Variants in SLC6A2 observed in about 807,000 individuals in gnomAD.
SLC6A2 encodes solute carrier family 6 member 2.
In SLC6A2, 26 loss-of-function variants were observed where a neutral mutation model predicts 71.7. That is an observed-to-expected ratio of 0.36 (90% CI 0.27 to 0.50). The LOEUF is 0.50. SLC6A2 is among the 20% of genes least tolerant of loss of function. The probability of loss-of-function intolerance (pLI) is 0.96; values close to 1 mark genes in which losing one functional copy is unlikely to be tolerated. For synonymous variants in SLC6A2, 363 were observed against 337.9 expected (o/e 1.07, Z -0.82); for missense variants, 581 against 803.9 (o/e 0.72, Z 3.35).
chr16:55,681,085 G>A (rs1460572110), intron 4 of SLC6A2, among the ~76,000 whole-genome samples: 1 of 152,080 alleles, frequency 6.6e-6, no homozygotes, highest in African/African-American at 2.4e-5. Context: ...CTCCCCAGCC[G>A]ACCCCCTCTA....
intron 4 of SLC6A2, among the ~76,000 whole-genome samples, chr16:55,681,292 C>T (rs1331561581): frequency 1.3e-5 from 2 of 152,220 alleles, no homozygotes; most frequent in Non-Finnish European, 2.9e-5. Flanking sequence ...AATGCTTACA[C>T]GCACTACTGT....
Position 55,684,914 on chromosome 16 carries a change from T to TC in SLC6A2, c.645-225dup, listed in dbSNP as rs3215123. ...TAAAAGCAGCCATGAGCGTGGAATC[T>TC]CCCCAGATGATTTGCCTCTTCTAGG... On this transcript the variant is annotated intron_variant, in intron 4 of 14. Coordinates refer to ENST00000568943, the MANE Select transcript of SLC6A2 (RefSeq NM_001172501.3). Among the ~76,000 whole-genome samples, 58 of 152,310 alleles carry TC rather than the reference T, an allele frequency of 3.8e-4. 2 individuals are homozygous for TC. In the East Asian group the frequency reaches 0.011, roughly 29 times the overall value.
At chr16:55,693,836 A>G (rs974442551) in intron 6 of SLC6A2, among the ~76,000 whole-genome samples, 174 bp from the exon 7 acceptor site, 1 of 152,214 alleles carries the variant, frequency 6.6e-6, no homozygotes, top group African/African-American at 2.4e-5. Flanking sequence ...CTCTCTCTGC[A>G]GTTGTTTTGT....
chr16:55,699,677 T>A, intron 12 of SLC6A2, 23 bp downstream of exon 12: 4 of 1,521,252 alleles, frequency 2.6e-6, no homozygotes, highest in Non-Finnish European at 3.7e-6. Flanking sequence ...TGCAGGGAAG[T>A]CCTGCATGTG....
rs748091212 is a variant in SLC6A2, at chr16:55,669,723, G to T, written c.406+27G>T. On this transcript the variant is annotated intron_variant, in intron 3 of 14. Transcript: ENST00000568943. ...TAAAGAAGGGGTGGGAGAAAGTCACGGTTGTTCATAAAGGCTTCCCTGTTG... is the reference window on the plus strand; with the variant it reads ...TAAAGAAGGGGTGGGAGAAAGTCACTGTTGTTCATAAAGGCTTCCCTGTTG... The T allele has an allele frequency of 3.1e-6, 5 of 1,613,756 alleles. No homozygotes were observed. In the East Asian group the frequency reaches 1.1e-4, roughly 36 times the overall value.
At chr16:55,680,654 A>G (rs1157504521) in intron 4 of SLC6A2, among the ~76,000 whole-genome samples, 2 of 151,848 alleles carry the variant, frequency 1.3e-5, no homozygotes, top group African/African-American at 2.4e-5. Context: ...TTGGCAACAC[A>G]CTCCCAGACA....
chr16:55,696,398 A>G (rs775082952), intron 9 of SLC6A2, 61 bp downstream of exon 9: 15 of 967,764 alleles, frequency 1.5e-5, no homozygotes, highest in African/African-American at 3.2e-5. Context: ...CCCTTCCCCA[A>G]CACACAGTGC....
intron 9 of SLC6A2, among the ~76,000 whole-genome samples, chr16:55,697,060 A>C (rs561374901): frequency 6.6e-6 from 1 of 152,214 alleles, no homozygotes; most frequent in Non-Finnish European, 1.5e-5. Flanking sequence ...TATTTTATCC[A>C]AATGTAAGAT....
In SLC6A2 at chr16:55,656,623, C is replaced by CT; in HGVS notation, c.-51-17dup. The stretch of plus-strand genomic sequence containing the variant: ...GGGAGGAACGGCCGGGTAACCACCT[C>CT]TTTTCCCTTTATCCAAGCAGAGCCT... On this transcript the variant is annotated intron_variant, in intron 1 of 14. Transcript: ENST00000568943. The surrounding 1 kb of genome is among the most constrained non-coding windows in gnomAD (Gnocchi z 4.5). 1 of 1,597,514 alleles carries CT rather than the reference C, an allele frequency of 6.3e-7. No homozygotes were observed. The highest frequency in any genetic ancestry group is 8.5e-7 in the Non-Finnish European group (1 of 1,169,816).
At chr16:55,687,413 C>T (rs1239722332) in intron 5 of SLC6A2, among the ~76,000 whole-genome samples, 4 of 152,182 alleles carry the variant, frequency 2.6e-5, no homozygotes, top group African/African-American at 9.7e-5. Context: ...CTGAAAGTGT[C>T]TCCAAAGACC....
At chr16:55,699,414 T>A in intron 11 of SLC6A2, 140 bp from the exon 12 acceptor site, 1 of 719,928 alleles carries the variant, frequency 1.4e-6, no homozygotes, top group South Asian at 1.5e-5. Context: ...AAAGGGCCCA[T>A]CCCCGAGTCT....
Position 55,702,731 on chromosome 16 carries a change from G to T in SLC6A2, c.*385G>T. ...CAAATCAGAGAGAGGATGGGCTTTT[G>T]ATCAGATACCCCTCCCAAAAAAAAA... On this transcript the variant is annotated 3_prime_UTR_variant, in exon 15 of 15. Transcript: ENST00000568943. The T allele has an allele frequency of 1.0e-6, 1 of 994,080 alleles. No individual in the cohort carries two copies. The highest frequency in any genetic ancestry group is 1.2e-6 in the Non-Finnish European group (1 of 841,952). 61.6% of individuals were successfully genotyped at this position (994,080 alleles called of 1,614,324 possible). A position where few individuals can be genotyped will look rare whatever the true frequency, so the allele number is the denominator to read the frequency against.
rs543742569 is a variant in SLC6A2 at position 55,661,975 on chromosome 16, C to CA, written c.274+5008dup. Among the ~76,000 whole-genome samples the CA allele has an allele frequency of 3.4e-4, 51 of 151,966 alleles. No individual in the cohort carries two copies. In the South Asian group the frequency reaches 7.3e-3, roughly 22 times the overall value. On this transcript the variant is annotated intron_variant, in intron 2 of 14. Coordinates refer to ENST00000568943, the MANE Select transcript of SLC6A2 (RefSeq NM_001172501.3). Reference sequence around the variant, plus strand: ...AGTGCTCTTATATCTGGCCTGGCTGCAGGGGGCTATCTACACCCTGGGCTT... The same window carrying CA: ...AGTGCTCTTATATCTGGCCTGGCTGCAAGGGGGCTATCTACACCCTGGGCTT...
chr16:55,685,288 T>A lies in SLC6A2; in HGVS notation c.783+7T>A, dbSNP rs1403162776. 1.2e-6 allele frequency: 2 copies of A among 1,613,474 alleles called. No homozygotes were observed. Among genetic ancestry groups the A allele is most frequent in the East Asian group, 2.2e-5 (1 of 44,868 alleles). ...GGTGAAGACATCAGGAAAGGTAATATCTCTGTGTTTCTCTTTCACTTACTT... is the reference window on the plus strand; with the variant it reads ...GGTGAAGACATCAGGAAAGGTAATAACTCTGTGTTTCTCTTTCACTTACTT... On this transcript the variant is annotated splice_region_variant and intron_variant, in intron 5 of 14. Transcript: ENST00000568943.
At chr16:55,696,652 G>A (rs1226995575) in intron 9 of SLC6A2, among the ~76,000 whole-genome samples, 1 of 152,130 alleles carries the variant, frequency 6.6e-6, no homozygotes, top group African/African-American at 2.4e-5. Flanking sequence ...AAAATCTTGT[G>A]CTCTAAACAA....
intron 14 of SLC6A2, 44 bp from the exon 15 acceptor site, chr16:55,702,279 C>G: frequency 6.2e-7 from 1 of 1,606,946 alleles, no homozygotes; most frequent in Non-Finnish European, 8.5e-7. Flanking sequence ...TTGCTCCTTT[C>G]TGTCCCCACC....
intron 2 of SLC6A2, among the ~76,000 whole-genome samples, chr16:55,658,892 G>A (rs749169123): frequency 2.6e-5 from 4 of 152,182 alleles, no homozygotes; most frequent in Middle Eastern, 3.2e-3. Context: ...CACCTTTGGC[G>A]GCTGCAGCCT....
At position 55,703,780 on chromosome 16, in the gene SLC6A2, G is replaced by C; in HGVS notation, c.*1434G>C. ...AAAAAATAAAGAAGCCGCTGCATTC[G>C]CACGTCAAGAAGGTGCTTTGCCTCA... is the stretch of plus-strand genomic sequence containing the variant. On this transcript the variant is annotated 3_prime_UTR_variant, in exon 15 of 15. Transcript: ENST00000568943. 2 of 985,370 alleles carry C rather than the reference G, an allele frequency of 2.0e-6. No homozygotes were observed. The highest frequency in any genetic ancestry group is 2.4e-6 in the Non-Finnish European group (2 of 829,956). The allele number at this position is 985,370 out of a possible 1,614,324, so 61.0% of individuals were successfully genotyped here. A position where few individuals can be genotyped will look rare whatever the true frequency, so the allele number is the denominator to read the frequency against.
chr16:55,662,358 A>G (rs1379273672), intron 2 of SLC6A2, among the ~76,000 whole-genome samples: 2 of 152,184 alleles, frequency 1.3e-5, no homozygotes, highest in African/African-American at 4.8e-5. Context: ...TTAGCCAAAA[A>G]AAATTTACTA....
Sources: allele counts gnomAD v4.1 joint callset (sites outside exome capture counted in the v4.1 genomes callset), GRCh38; gene constraint gnomAD v4.1.1; non-coding constraint Gnocchi (gnomAD v3.1); transcripts MANE v1.5; gene names NCBI Gene and HGNC (gene_info 2026-07-23, HGNC 2026-07-21).